The following MYO5B variants were observed in gnomAD, a reference collection of about 807,000 sequenced individuals.
MYO5B encodes the protein unconventional myosin-Vb.
Under a neutral mutation model 229.3 loss-of-function variants are expected in MYO5B, and 143 were observed. That is an observed-to-expected ratio of 0.62 (90% confidence interval 0.54 to 0.72). The LOEUF (loss-of-function observed/expected upper bound fraction) is 0.72, where lower values mean the gene tolerates loss of function less well. Ranked by LOEUF, MYO5B falls within the 30% of genes least tolerant of loss-of-function variation. MYO5B has a pLI of 0.00. For missense variants in MYO5B, 2,321 were observed against 2,331.0 expected, an observed-to-expected ratio of 1.00 and a Z score of 0.09; for synonymous variants, 918 against 885.2, an observed-to-expected ratio of 1.04 and a Z score of -0.66.
rs569777983 is a variant in MYO5B at position 50,193,603 on chromosome 18, T to C, written c.27+1164A>G. 2.6e-5 allele frequency among the ~76,000 whole-genome samples: 4 copies of C among 151,908 alleles called. No homozygotes were observed. In the South Asian group the frequency reaches 8.3e-4, roughly 32 times the overall value. On this transcript the variant is annotated intron_variant, in intron 1 of 39. Coordinates refer to ENST00000285039, the MANE Select transcript of MYO5B (RefSeq NM_001080467.3). ...GCCCAGACCTGTTGGCCCGGGCGGG[T>C]GTCCCGGGAATCGCATACCCACGCA... is the stretch of plus-strand genomic sequence containing the variant.
At chr18:49,929,264 C>T (rs748608753) in intron 17 of MYO5B, among the ~76,000 whole-genome samples, 11 of 152,132 alleles carry the variant, frequency 7.2e-5, no homozygotes, top group Non-Finnish European at 1.3e-4. Context: ...TAGACCAACA[C>T]CAAAAATCTG....
chr18:50,077,351 C>T (rs17802016), intron 1 of MYO5B, among the ~76,000 whole-genome samples: 3,015 of 152,162 alleles, frequency 0.02, 262 homozygotes, highest in Admixed American at 0.15. Flanking sequence ...CTTGCTACTT[C>T]ACAGCATGTT....
At chr18:50,168,065 C>T (rs2032878088) in intron 1 of MYO5B, among the ~76,000 whole-genome samples, 1 of 152,176 alleles carries the variant, frequency 6.6e-6, no homozygotes, top group Non-Finnish European at 1.5e-5. Context: ...CCACATGGGG[C>T]CTTGGCTGAT....
chr18:50,165,353 G>A (rs1381596680), intron 1 of MYO5B, among the ~76,000 whole-genome samples: 4 of 152,120 alleles, frequency 2.6e-5, no homozygotes, highest in Admixed American at 2.6e-4. Flanking sequence ...CACGGTGGCA[G>A]ATGCCTATGG....
intron 4 of MYO5B, among the ~76,000 whole-genome samples, chr18:50,006,756 G>A (rs1412357197): frequency 6.6e-6 from 1 of 152,150 alleles, no homozygotes; most frequent in African/African-American, 2.4e-5. Context: ...AGAGAGTGAT[G>A]CAGGTGGCTG....
rs779688529 is a variant in MYO5B, at chr18:49,912,033, C to G, written c.2202+29G>C. On this transcript the variant is annotated intron_variant, in intron 18 of 39. Transcript: ENST00000285039. ...CAATCTTTAGGGGACCTGGTCAGGCCTCTCCTGGAGCTGGGCTGTGTGGCT... is the reference window on the plus strand; with the variant it reads ...CAATCTTTAGGGGACCTGGTCAGGCGTCTCCTGGAGCTGGGCTGTGTGGCT... 5 of 1,580,560 alleles carry G rather than the reference C, an allele frequency of 3.2e-6. No homozygotes were observed. In the African/African-American group the frequency reaches 6.7e-5, roughly 21 times the overall value.
chr18:50,021,473 C>T (rs1025618069), intron 4 of MYO5B, among the ~76,000 whole-genome samples: 3 of 152,148 alleles, frequency 2.0e-5, no homozygotes, highest in Admixed American at 1.3e-4. Context: ...TAAAGGCTGC[C>T]CTTCCACAAT....
chr18:50,168,322 T>C (rs1431070457), intron 1 of MYO5B, among the ~76,000 whole-genome samples: 1 of 152,236 alleles, frequency 6.6e-6, no homozygotes, highest in Non-Finnish European at 1.5e-5. Flanking sequence ...CATGGTGATT[T>C]ACTGAGAGTC....
At chr18:50,131,940 G>T (rs1223157845) in intron 1 of MYO5B, among the ~76,000 whole-genome samples, 1 of 152,172 alleles carries the variant, frequency 6.6e-6, no homozygotes, top group Non-Finnish European at 1.5e-5. Context: ...TGAACTTTTT[G>T]TGAAGAGAGA....
intron 39 of MYO5B, among the ~76,000 whole-genome samples, chr18:49,830,650 C>A (rs2023904839): frequency 6.6e-6 from 1 of 151,958 alleles, no homozygotes; most frequent in African/African-American, 2.4e-5. Flanking sequence ...GAGTTTGAGA[C>A]CAACCTGGCA....
chr18:49,864,439 G>T, intron 27 of MYO5B, 59 bp from the exon 28 acceptor site: 1 of 1,596,348 alleles, frequency 6.3e-7, no homozygotes, highest in Non-Finnish European at 8.5e-7. Context: ...CTCTCCCTGT[G>T]TGGGCCTCCC....
At chr18:49,839,665 T>C (rs2024033327) in intron 35 of MYO5B, among the ~76,000 whole-genome samples, 1 of 152,256 alleles carries the variant, frequency 6.6e-6, no homozygotes, top group Non-Finnish European at 1.5e-5. Context: ...AAATGTTAGA[T>C]GATGTGCAGC....
chr18:49,871,878 A>G (rs752889058), intron 27 of MYO5B, among the ~76,000 whole-genome samples: 22 of 152,210 alleles, frequency 1.4e-4, no homozygotes, highest in Non-Finnish European at 2.4e-4. Flanking sequence ...CCTCTGCCCT[A>G]TGTCTACCCA....
chr18:49,929,462 T>C, intron 17 of MYO5B, 50 bp downstream of exon 17: 1 of 1,492,994 alleles, frequency 6.7e-7, no homozygotes, highest in Non-Finnish European at 9.2e-7. Context: ...AACCAAACTC[T>C]GGCTGCTCTA....
At chr18:49,940,965 T>C (rs1436018363) in intron 14 of MYO5B, among the ~76,000 whole-genome samples, 2 of 152,226 alleles carry the variant, frequency 1.3e-5, no homozygotes, top group Non-Finnish European at 2.9e-5. Context: ...TCTTAGTTAT[T>C]ACAAAGTTCA....
intron 4 of MYO5B, among the ~76,000 whole-genome samples, chr18:50,033,015 T>C (rs975754911): frequency 1.3e-5 from 2 of 152,150 alleles, no homozygotes; most frequent in Non-Finnish European, 2.9e-5. Flanking sequence ...TTCATTTCTC[T>C]TGGGTGCATA....
intron 1 of MYO5B, among the ~76,000 whole-genome samples, chr18:50,135,117 C>T (rs1355956816): frequency 6.6e-6 from 1 of 152,156 alleles, no homozygotes; most frequent in African/African-American, 2.4e-5. Context: ...TTCTCCTGAC[C>T]CAACTGCCAA....
chr18:50,043,359 A>G (rs9952600), intron 2 of MYO5B, among the ~76,000 whole-genome samples: 1 of 85,282 alleles, frequency 1.2e-5, no homozygotes, highest in South Asian at 3.4e-4. Context: ...TATAATATAA[A>G]TATATTATAT....
intron 15 of MYO5B, among the ~76,000 whole-genome samples, chr18:49,936,762 C>A (rs1314491758): frequency 6.6e-6 from 1 of 152,166 alleles, no homozygotes; most frequent in African/African-American, 2.4e-5. Flanking sequence ...TACTAAATGT[C>A]CAGAATGGCA....
Sources: allele counts gnomAD v4.1 joint callset (sites outside exome capture counted in the v4.1 genomes callset), GRCh38; gene constraint gnomAD v4.1.1; transcripts MANE v1.5; gene names NCBI Gene and HGNC (gene_info 2026-07-23, HGNC 2026-07-21).